ENG: variants seen among roughly 807,000 people sequenced by gnomAD.
ENG encodes the protein CD105 antigen.
In ENG, 17 loss-of-function variants were observed where a neutral mutation model predicts 71.0. The observed-to-expected ratio is 0.24, with a 90% CI of 0.16 to 0.36. The LOEUF is 0.36. Ranked by LOEUF, ENG falls within the 10% of genes least tolerant of loss-of-function variation. The probability of loss-of-function intolerance (pLI) is 1.00; values close to 1 mark genes in which losing one functional copy is unlikely to be tolerated. For synonymous variants in ENG, 360 were observed against 366.9 expected (o/e 0.98, Z 0.21); for missense variants, 749 against 868.3 (o/e 0.86, Z 1.73).
chr9:127,827,984 A>G (rs1006783861), intron 3 of ENG, among the ~76,000 whole-genome samples: 2 of 136,014 alleles, frequency 1.5e-5, no homozygotes, highest in African/African-American at 5.8e-5. Flanking sequence ...GGGCCATTGC[A>G]CTCCAGCCTG....
At chr9:127,847,890 C>G (rs1017790137) in intron 1 of ENG, among the ~76,000 whole-genome samples, 2 of 152,128 alleles carry the variant, frequency 1.3e-5, no homozygotes, top group Non-Finnish European at 2.9e-5. Context: ...GCCCCGGGCT[C>G]CCCCCTGGTT....
intron 12 of ENG, chr9:127,817,787 G>A: frequency 2.1e-6 from 1 of 467,638 alleles, no homozygotes; most frequent in Non-Finnish European, 4.0e-6. Flanking sequence ...TTACACTGGT[G>A]ACCATACTAC....
At position 127,815,922 on chromosome 9, in the gene ENG, G is replaced by C. The variant is rs147188969; in HGVS notation, c.1852+21C>G. Reference sequence around the variant, plus strand: ...GATGGAGGGGCCCGGCATGCTCACTGTGGGGGCCTGGGGTACTCACGCGTG... The same window carrying C: ...GATGGAGGGGCCCGGCATGCTCACTCTGGGGGCCTGGGGTACTCACGCGTG... On this transcript the variant is annotated intron_variant, in intron 14 of 14. Transcript: ENST00000373203. The C allele has an allele frequency of 4.8e-5, 76 of 1,587,608 alleles. No individual in the cohort carries two copies. The highest frequency in any genetic ancestry group is 5.9e-5 in the Non-Finnish European group (69 of 1,167,616).
chr9:127,851,275 G>A (rs1033742163), intron 1 of ENG, among the ~76,000 whole-genome samples: 9 of 151,550 alleles, frequency 5.9e-5, no homozygotes, highest in Admixed American at 1.3e-4. Context: ...GCTGGAGTGC[G>A]GTGGCTTGAT....
intron 3 of ENG, among the ~76,000 whole-genome samples, chr9:127,828,669 CT>C (rs951255328): frequency 5.3e-5 from 8 of 152,164 alleles, no homozygotes; most frequent in Non-Finnish European, 1.2e-4. Context: ...GTCAAATCCT[CT>C]TGGCCCTGGT....
chr9:127,824,815 G>A lies in ENG; in HGVS notation c.976C>T (p.His326Tyr). 5 of 1,575,526 alleles carry A rather than the reference G, an allele frequency of 3.2e-6. No homozygotes were observed. Among genetic ancestry groups the A allele is most frequent in the Non-Finnish European group, 4.3e-6 (5 of 1,160,304 alleles). The change falls in exon 7 of 15, where the codon CAT becomes TAT. Residue 326 changes from histidine (H) to tyrosine (Y), a missense_variant. Transcript: ENST00000373203. Reference sequence around the variant, plus strand: ...GGGTGCTCACCGCAGCTGGAGGCATGAAGTGAGACAATGCTGGCCAGCGGT... The same window carrying A: ...GGGTGCTCACCGCAGCTGGAGGCATAAAGTGAGACAATGCTGGCCAGCGGT... ...ELPLASIVSL[H>Y]ASSCGGRLQT...
chr9:127,848,227 G>A (rs971381599), intron 1 of ENG, among the ~76,000 whole-genome samples: 1 of 151,974 alleles, frequency 6.6e-6, no homozygotes, highest in African/African-American at 2.4e-5. Context: ...AACACACCTC[G>A]CTCCTGCCTC....
intron 1 of ENG, among the ~76,000 whole-genome samples, chr9:127,850,108 G>A (rs540346107): frequency 1.3e-5 from 2 of 152,258 alleles, no homozygotes; most frequent in Admixed American, 1.3e-4. Flanking sequence ...CCAAAGCCTG[G>A]GCTGGAACTA....
chr9:127,833,700 G>A (rs1413313698), intron 2 of ENG, among the ~76,000 whole-genome samples: 1 of 152,132 alleles, frequency 6.6e-6, no homozygotes, highest in Non-Finnish European at 1.5e-5. Context: ...AAAGGGGAAG[G>A]CTATTTCAAG....
chr9:127,820,797 C>A (rs2131880524), intron 8 of ENG, among the ~76,000 whole-genome samples: 1 of 151,592 alleles, frequency 6.6e-6, no homozygotes, highest in South Asian at 2.1e-4. Flanking sequence ...CCATTGCACT[C>A]CAGCCTGGGC....
At chr9:127,843,305 A>G in intron 1 of ENG, 60 bp from the exon 2 acceptor site, 4 of 1,611,220 alleles carry the variant, frequency 2.5e-6, no homozygotes, top group Non-Finnish European at 3.4e-6. Context: ...AATGACTCCT[A>G]CTTTCCAAAC....
At chr9:127,817,653 C>G (rs1588574300) in intron 12 of ENG, 1 of 352,516 alleles carries the variant, frequency 2.8e-6, no homozygotes, top group East Asian at 7.1e-5. Context: ...TGGGGGCGTC[C>G]AGGATAGATT....
chr9:127,816,382 A>G, intron 13 of ENG: 1 of 432,694 alleles, frequency 2.3e-6, no homozygotes, highest in Non-Finnish European at 4.3e-6. Context: ...AGCCTGCCCC[A>G]CCTGCTGCAT....
chr9:127,819,640 C>A lies in ENG; in HGVS notation c.1293G>T (p.Ser431=). ...ATCTCACCCGCTGTGGTGATGAGCT[C>A]GACAGGATATTGACCACCGCCTGCG... ...ISNEAVVNIL[S]SSSPQRKKVH... The change falls in exon 10 of 15, where the codon TCG becomes TCT. Residue 431 remains serine, a synonymous_variant. Coordinates refer to ENST00000373203, the MANE Select transcript of ENG (RefSeq NM_001114753.3). 6.2e-7 allele frequency: 1 copy of A among 1,612,322 alleles called. No homozygotes were observed. The highest frequency in any genetic ancestry group is 8.5e-7 in the Non-Finnish European group (1 of 1,179,370).
intron 2 of ENG, among the ~76,000 whole-genome samples, chr9:127,841,594 C>T (rs1267577539): frequency 2.0e-5 from 3 of 152,176 alleles, no homozygotes; most frequent in East Asian, 1.9e-4. Flanking sequence ...GAGGGCAGGG[C>T]GGTGGGGAGC....
intron 13 of ENG, chr9:127,816,926 G>T (rs761598925): frequency 6.6e-6 from 4 of 610,662 alleles, no homozygotes; most frequent in Non-Finnish European, 1.2e-5. Flanking sequence ...CACCCCACAG[G>T]GCGGTCCCGG....
Position 127,817,165 on chromosome 9 carries a change from G to A in ENG, c.1725C>T (p.Ile575=), listed in dbSNP as rs1333193699. The A allele has an allele frequency of 4.3e-6, 7 of 1,614,202 alleles. No individual in the cohort carries two copies. Among genetic ancestry groups the A allele is most frequent in the Admixed American group, 3.3e-5 (2 of 60,030 alleles). The change falls in exon 13 of 15, where the codon ATC becomes ATT. Residue 575 remains isoleucine, a synonymous_variant. Transcript: ENST00000373203. ...GGAGCTCACCAGACAGGTCAGGGCT[G>A]ATGATGTTCAAGCGCATGAAGACAG... The part of the protein sequence containing the change: ...HRTVFMRLNI[I]SPDLSGCTSK...
chr9:127,842,558 G>A (rs999574174), intron 2 of ENG, among the ~76,000 whole-genome samples: 5 of 152,072 alleles, frequency 3.3e-5, no homozygotes, highest in African/African-American at 1.2e-4. Flanking sequence ...CCAAGTAGCT[G>A]GGATTACAGG....
At chr9:127,823,754 T>C (rs2131885023) in intron 8 of ENG, among the ~76,000 whole-genome samples, 1 of 139,338 alleles carries the variant, frequency 7.2e-6, no homozygotes, top group African/African-American at 2.7e-5. Context: ...TGATCTCGGC[T>C]CACTGCAGCC....
Sources: gnomAD v4.1 joint callset for allele counts (sites outside exome capture counted in the v4.1 genomes callset) on GRCh38, gnomAD v4.1.1 for gene constraint, MANE v1.5 for transcripts, NCBI Gene and HGNC (gene_info 2026-07-23, HGNC 2026-07-21) for gene names.